Variants in DGKD observed in about 807,000 individuals in gnomAD.
DGKD encodes the protein DAG kinase delta.
A neutral mutation model predicts 154.4 loss-of-function variants in DGKD; 68 were observed. The ratio of observed to expected loss-of-function variants is 0.44; its 90% CI spans 0.36 to 0.54. The LOEUF is 0.54. Ranked by LOEUF, DGKD falls within the 20% of genes least tolerant of loss-of-function variation. The pLI is 0.00. For synonymous variants in DGKD, 693 were observed against 638.0 expected (o/e 1.09, Z -1.30); for missense variants, 1,343 against 1,593.6 (o/e 0.84, Z 2.68).
At chr2:233,378,497 G>T (rs955948515) in intron 1 of DGKD, among the ~76,000 whole-genome samples, 2 of 151,374 alleles carry the variant, frequency 1.3e-5, no homozygotes, top group Non-Finnish European at 2.9e-5. Context: ...CTATCCTCCC[G>T]CCTCAGCCTC....
chr2:233,446,210 T>A (rs1184612173), intron 11 of DGKD, among the ~76,000 whole-genome samples: 1 of 152,252 alleles, frequency 6.6e-6, no homozygotes, highest in Non-Finnish European at 1.5e-5. Context: ...GGTACTGTTG[T>A]CCCGAGTGAC....
intron 16 of DGKD, 151 bp from the exon 17 acceptor site, chr2:233,450,771 C>T (rs1234834317): frequency 5.2e-6 from 5 of 968,560 alleles, no homozygotes; most frequent in Non-Finnish European, 7.7e-6. Context: ...GTCCTCCGCC[C>T]CCTTCTTTGT....
intron 16 of DGKD, 71 bp downstream of exon 16, chr2:233,450,202 A>G: frequency 2.7e-6 from 4 of 1,490,130 alleles, no homozygotes; most frequent in Non-Finnish European, 1.8e-6. Flanking sequence ...CGGGCTTGCC[A>G]GGGGAGGTTT....
At chr2:233,423,124 C>T (rs965262160) in intron 3 of DGKD, among the ~76,000 whole-genome samples, 12 of 152,126 alleles carry the variant, frequency 7.9e-5, no homozygotes, top group African/African-American at 1.7e-4. Flanking sequence ...TAGTATTCCA[C>T]GGGTGTACCA....
chr2:233,459,748 T>G lies in DGKD; in HGVS notation c.2695-9T>G. 6.2e-7 allele frequency: 1 copy of G among 1,612,930 alleles called. No individual in the cohort carries two copies. Among genetic ancestry groups the G allele is most frequent in the Non-Finnish European group, 8.5e-7 (1 of 1,179,508 alleles). ...CTCAGCATGAGTAATGGCTATGATG[T>G]CTGCTCAGTGTCGCACGGTGAAGAT... On this transcript the variant is annotated splice_polypyrimidine_tract_variant and intron_variant, in intron 22 of 29. Coordinates refer to ENST00000264057, the MANE Select transcript of DGKD (RefSeq NM_152879.3). This position sits in a 1 kb window ranked among gnomAD's most constrained non-coding sequence, Gnocchi z 5.7.
At chr2:233,437,190 G>A (rs2062726174) in intron 7 of DGKD, among the ~76,000 whole-genome samples, 187 bp from the exon 8 acceptor site, 1 of 152,214 alleles carries the variant, frequency 6.6e-6, no homozygotes, top group South Asian at 2.1e-4. Context: ...CTTCTCAAGT[G>A]CAAAGCCAGG....
intron 3 of DGKD, among the ~76,000 whole-genome samples, chr2:233,418,222 G>A (rs1211364007): frequency 3.3e-5 from 5 of 152,164 alleles, no homozygotes; most frequent in South Asian, 4.1e-4. Context: ...TGCTGCCAGC[G>A]TTTTGCTATT....
intron 1 of DGKD, among the ~76,000 whole-genome samples, chr2:233,383,938 T>C (rs529030162): frequency 6.6e-6 from 1 of 152,216 alleles, no homozygotes; most frequent in South Asian, 2.1e-4. Flanking sequence ...AGGTGAATGA[T>C]GGAGGGGAGG....
chr2:233,464,606 A>G (rs889301725), intron 27 of DGKD, among the ~76,000 whole-genome samples: 9 of 152,168 alleles, frequency 5.9e-5, no homozygotes, highest in Non-Finnish European at 1.0e-4. Context: ...CCGAGGGTGG[A>G]GATGTATCAT....
In DGKD at chr2:233,452,168, G is replaced by GTGGTAGCTGA; in HGVS notation, c.2264+110_2264+119dup. The stretch of plus-strand genomic sequence containing the variant: ...AAATTAGTGAGCAGTTGCCCAGCTG[G>GTGGTAGCTGA]TGGTAGCTGATAAGGAAGGCTGAGA... On this transcript the variant is annotated intron_variant, in intron 18 of 29. Transcript: ENST00000264057. The surrounding 1 kb of genome is among the most constrained non-coding windows in gnomAD (Gnocchi z 4.0). 1 of 1,044,344 alleles carries GTGGTAGCTGA rather than the reference G, an allele frequency of 9.6e-7. No homozygotes were observed. Among genetic ancestry groups the GTGGTAGCTGA allele is most frequent in the East Asian group, 2.4e-5 (1 of 41,000 alleles). The allele number at this position is 1,044,344 out of a possible 1,614,324, so 64.7% of individuals were successfully genotyped here.
chr2:233,387,757 G>T (rs567774732), intron 1 of DGKD, among the ~76,000 whole-genome samples: 1 of 152,196 alleles, frequency 6.6e-6, no homozygotes, highest in South Asian at 2.1e-4. Context: ...GTGGTGGGTT[G>T]GGCTGAGGGC....
Position 233,447,752 on chromosome 2 carries a change from G to A in DGKD, c.1420-335G>A, listed in dbSNP as rs567317752. ...CTCTGCTGCAAACGGACCCAAACCT[G>A]GAGCCGACCCGCCAGCATGCCGCTG... On this transcript the variant is annotated intron_variant, in intron 12 of 29. Transcript: ENST00000264057. 6.3e-6 allele frequency: 7 copies of A among 1,114,848 alleles called. No individual in the cohort carries two copies. In the African/African-American group the frequency reaches 1.2e-4, roughly 18 times the overall value. The allele number at this position is 1,114,848 out of a possible 1,614,324, so 69.1% of individuals were successfully genotyped here.
chr2:233,388,947 A>AT (rs1703391438), intron 2 of DGKD: 1 of 152,118 alleles, frequency 6.6e-6, no homozygotes, highest in Admixed American at 6.6e-5. Context: ...GGGTTTCACT[A>AT]TGTAGGTCAA....
chr2:233,380,331 A>G (rs748134119), intron 1 of DGKD, among the ~76,000 whole-genome samples: 8 of 152,160 alleles, frequency 5.3e-5, no homozygotes, highest in Non-Finnish European at 8.8e-5. Context: ...AGTGATGCTG[A>G]CAGAGCGGGA....
Position 233,459,913 on chromosome 2 carries a change from A to C in DGKD, c.2829+22A>C. On this transcript the variant is annotated intron_variant, in intron 23 of 29. Coordinates refer to ENST00000264057, the MANE Select transcript of DGKD (RefSeq NM_152879.3). This position sits in a 1 kb window ranked among gnomAD's most constrained non-coding sequence, Gnocchi z 5.7. ...CAGGGTAAGAGCGGCTGCCCGCGGT[A>C]CCTGGGTGGGGTACAGGGCTCACCT... The C allele has an allele frequency of 6.2e-7, 1 of 1,610,752 alleles. No homozygotes were observed. Among genetic ancestry groups the C allele is most frequent in the Non-Finnish European group, 8.5e-7 (1 of 1,178,220 alleles).
chr2:233,434,754 G>A lies in DGKD; in HGVS notation c.454-15G>A, dbSNP rs2062634417. On this transcript the variant is annotated splice_polypyrimidine_tract_variant and intron_variant, in intron 4 of 29. Coordinates refer to ENST00000264057, the MANE Select transcript of DGKD (RefSeq NM_152879.3). ...GAGAAGTCTTATCTTTGCCCTCTTGGTTTCGTTCTTCCAGCCCACCCAGTA... is the reference window on the plus strand; with the variant it reads ...GAGAAGTCTTATCTTTGCCCTCTTGATTTCGTTCTTCCAGCCCACCCAGTA... The A allele has an allele frequency of 2.5e-6, 4 of 1,600,236 alleles. No homozygotes were observed. The highest frequency in any genetic ancestry group is 1.1e-5 in the South Asian group (1 of 89,950).
chr2:233,384,449 C>T (rs1703064940), intron 1 of DGKD, among the ~76,000 whole-genome samples: 1 of 152,144 alleles, frequency 6.6e-6, no homozygotes. Flanking sequence ...CAAGGCATCT[C>T]CTGTGTTAAA....
At chr2:233,417,887 G>A (rs2061998056) in intron 3 of DGKD, among the ~76,000 whole-genome samples, 1 of 152,094 alleles carries the variant, frequency 6.6e-6, no homozygotes, top group Non-Finnish European at 1.5e-5. Flanking sequence ...TAAAGTCCAG[G>A]GAAGCTGCTC....
chr2:233,393,263 A>C (rs1703757175), intron 3 of DGKD, among the ~76,000 whole-genome samples: 1 of 149,828 alleles, frequency 6.7e-6, no homozygotes, highest in African/African-American at 2.5e-5. Context: ...CCTGACCTTG[A>C]GTGATCTGCC....
Sources: gnomAD v4.1 joint callset for allele counts (sites outside exome capture counted in the v4.1 genomes callset) on GRCh38, gnomAD v4.1.1 for gene constraint, Gnocchi (gnomAD v3.1) non-coding constraint, MANE v1.5 for transcripts, NCBI Gene and HGNC (gene_info 2026-07-23, HGNC 2026-07-21) for gene names.